The following SLC14A2 variants were observed in gnomAD, a reference collection of about 807,000 sequenced individuals.
SLC14A2 encodes urea transporter 2.
In SLC14A2, 91 loss-of-function variants were observed where a neutral mutation model predicts 104.6. That is an observed-to-expected ratio of 0.87 (90% confidence interval 0.73 to 1.04). The LOEUF is 1.04. SLC14A2 is among the 50% of genes least tolerant of loss of function. SLC14A2 has a pLI of 0.00. For synonymous variants in SLC14A2, 476 were observed against 466.4 expected, an observed-to-expected ratio of 1.02 and a Z score of -0.27; for missense variants, 1,189 against 1,156.0, an observed-to-expected ratio of 1.03 and a Z score of -0.41.
At chr18:45,549,015 A>G (rs1452614300) in intron 2 of SLC14A2, among the ~76,000 whole-genome samples, 1 of 152,226 alleles carries the variant, frequency 6.6e-6, no homozygotes, top group African/African-American at 2.4e-5. Flanking sequence ...GGCATTTAGG[A>G]TTAGTCTCAC....
chr18:45,463,820 G>A (rs974620462), intron 1 of SLC14A2, among the ~76,000 whole-genome samples: 3 of 152,132 alleles, frequency 2.0e-5, no homozygotes, highest in African/African-American at 7.2e-5. Flanking sequence ...CAGACCCTTG[G>A]CAAAAGGCTC....
At chr18:45,391,025 T>C (rs1042186900) in intron 1 of SLC14A2, among the ~76,000 whole-genome samples, 8 of 152,116 alleles carry the variant, frequency 5.3e-5, no homozygotes, top group African/African-American at 1.7e-4. Context: ...GTGTGCTGCA[T>C]CCATTAACTC....
At chr18:45,525,975 G>A (rs1258660916) in intron 2 of SLC14A2, among the ~76,000 whole-genome samples, 1 of 152,158 alleles carries the variant, frequency 6.6e-6, no homozygotes, top group African/African-American at 2.4e-5. Context: ...AGCTCAAAGG[G>A]TATTTGTAAG....
intron 1 of SLC14A2, among the ~76,000 whole-genome samples, chr18:45,405,975 C>T (rs1352151697): frequency 2.6e-5 from 4 of 151,266 alleles, no homozygotes; most frequent in Non-Finnish European, 5.9e-5. Flanking sequence ...GATGGTCTTG[C>T]CTCAATGTTG....
chr18:45,558,776 A>G (rs2044164767), intron 2 of SLC14A2, among the ~76,000 whole-genome samples: 1 of 152,154 alleles, frequency 6.6e-6, no homozygotes, highest in Non-Finnish European at 1.5e-5. Flanking sequence ...TTTCCAAGAG[A>G]TAGAGATAGA....
intron 2 of SLC14A2, among the ~76,000 whole-genome samples, chr18:45,496,778 C>T (rs113064436): frequency 9.3e-5 from 14 of 150,720 alleles, no homozygotes; most frequent in African/African-American, 2.9e-4. Flanking sequence ...AGCAAGACTC[C>T]GTCTCAAAAA....
At chr18:45,260,242 G>A (rs552606503) in intron 1 of SLC14A2, among the ~76,000 whole-genome samples, 5 of 152,256 alleles carry the variant, frequency 3.3e-5, no homozygotes, top group Non-Finnish European at 7.4e-5. Flanking sequence ...ATAAACACAA[G>A]GCACATGTGT....
chr18:45,300,030 C>T (rs1305838814), intron 1 of SLC14A2, among the ~76,000 whole-genome samples: 1 of 152,126 alleles, frequency 6.6e-6, no homozygotes, highest in Non-Finnish European at 1.5e-5. Flanking sequence ...GAGAAGGAGC[C>T]TCTCAGACAT....
At chr18:45,370,331 G>A (rs2144351507) in intron 1 of SLC14A2, among the ~76,000 whole-genome samples, 1 of 152,208 alleles carries the variant, frequency 6.6e-6, no homozygotes, top group African/African-American at 2.4e-5. Context: ...GCAGGCCTCC[G>A]GAATGAGGGC....
rs149746575 is a variant in SLC14A2 at position 45,402,500 on chromosome 18, T to G, written c.-124-80733T>G. Among the ~76,000 whole-genome samples, 508 of 152,338 alleles carry G rather than the reference T, an allele frequency of 3.3e-3. 3 individuals are homozygous for G. The highest frequency in any genetic ancestry group is 0.012 in the African/African-American group (494 of 41,578). ...TGTCCATTTCTTTTCCTAATCAGGT[T>G]TATTGCAAGTGGGCCACTTCTAGAT... On this transcript the variant is annotated intron_variant, in intron 1 of 20. Transcript: ENST00000586448.
At chr18:45,263,998 A>G (rs2084566216) in intron 1 of SLC14A2, among the ~76,000 whole-genome samples, 1 of 152,186 alleles carries the variant, frequency 6.6e-6, no homozygotes, top group Non-Finnish European at 1.5e-5. Flanking sequence ...CTCAGCAGAC[A>G]GAGCTTAAAA....
the SLC14A2 span, among the ~76,000 whole-genome samples, chr18:45,190,639 G>A: frequency 7.9e-5 from 12 of 152,194 alleles, no homozygotes; most frequent in Non-Finnish European, 1.5e-5. Context: ...CCGTGGCAGT[G>A]ATTCAGTTCA....
chr18:45,569,544 T>G (rs2044316898), intron 2 of SLC14A2, among the ~76,000 whole-genome samples: 1 of 152,116 alleles, frequency 6.6e-6, no homozygotes, highest in Non-Finnish European at 1.5e-5. Context: ...TGGCCAGCAT[T>G]AGCCATCTCA....
chr18:45,214,931 AAAAAG>A (rs2083996334), intron 1 of SLC14A2, among the ~76,000 whole-genome samples: 1 of 150,478 alleles, frequency 6.6e-6, no homozygotes. Context: ...AAAAAAAAAA[AAAAAG>A]AAAAGAAATA....
intron 2 of SLC14A2, among the ~76,000 whole-genome samples, chr18:45,581,020 T>G (rs2144359908): frequency 6.6e-6 from 1 of 151,834 alleles, no homozygotes; most frequent in East Asian, 1.9e-4. Flanking sequence ...AGAGGAGACA[T>G]GGCAGAGAGG....
intron 10 of SLC14A2, 91 bp from the exon 11 acceptor site, chr18:45,663,694 G>C: frequency 1.4e-6 from 2 of 1,436,538 alleles, no homozygotes; most frequent in Non-Finnish European, 1.9e-6. Context: ...CTCCTTTCCA[G>C]CATCTGTGTG....
chr18:45,472,108 A>T (rs1055064460), intron 1 of SLC14A2, among the ~76,000 whole-genome samples: 1 of 151,982 alleles, frequency 6.6e-6, no homozygotes, highest in African/African-American at 2.4e-5. Context: ...ACTCCCCCTT[A>T]TGAGTGAGAA....
At chr18:45,269,574 GA>G (rs2084628973) in intron 1 of SLC14A2, among the ~76,000 whole-genome samples, 1 of 150,900 alleles carries the variant, frequency 6.6e-6, no homozygotes, top group Non-Finnish European at 1.5e-5. Context: ...GACTGATGAT[GA>G]AATAGATGAA....
chr18:45,475,641 GGATATA>G (rs2087351853), intron 1 of SLC14A2, among the ~76,000 whole-genome samples: 4 of 11,644 alleles, frequency 3.4e-4, no homozygotes, highest in Non-Finnish European at 7.7e-4. Flanking sequence ...TATATATTTA[GGATATA>G]TATATATATA....
Sources: allele counts gnomAD v4.1 joint callset (sites outside exome capture counted in the v4.1 genomes callset), GRCh38; gene constraint gnomAD v4.1.1; transcripts MANE v1.5; gene names NCBI Gene and HGNC (gene_info 2026-07-23, HGNC 2026-07-21).